The following FAF1 variants were observed in gnomAD, a reference collection of about 807,000 sequenced individuals.
FAF1 encodes FAS-associated factor 1.
In FAF1, 25 loss-of-function variants were observed where a neutral mutation model predicts 92.5. The observed-to-expected ratio is 0.27, with a 90% CI of 0.20 to 0.38. The LOEUF is 0.38. Among genes scored for constraint, FAF1 ranks in the 10% least tolerant of loss-of-function variants. The pLI, the probability that FAF1 is intolerant of heterozygous loss-of-function variation, is 1.00. For synonymous variants in FAF1, 234 were observed against 273.2 expected, an observed-to-expected ratio of 0.86 and a Z score of 1.42; for missense variants, 636 against 793.3, an observed-to-expected ratio of 0.80 and a Z score of 2.38.
intron 4 of FAF1, among the ~76,000 whole-genome samples, chr1:50,758,372 C>A (rs1449647197): frequency 6.6e-6 from 1 of 152,178 alleles, no homozygotes; most frequent in Non-Finnish European, 1.5e-5. Flanking sequence ...ATTTTTAACT[C>A]AACAAAGACT....
intron 2 of FAF1, among the ~76,000 whole-genome samples, chr1:50,804,476 T>G (rs1386767194): frequency 6.6e-6 from 1 of 152,044 alleles, no homozygotes; most frequent in African/African-American, 2.4e-5. Context: ...TGGGAAAGTG[T>G]TACAGAGGAG....
intron 2 of FAF1, among the ~76,000 whole-genome samples, chr1:50,836,247 T>A (rs1299063275): frequency 6.7e-6 from 1 of 149,342 alleles, no homozygotes; most frequent in African/African-American, 2.5e-5. Context: ...CATAGCTCAC[T>A]TTAACTTTGA....
chr1:50,712,217 C>G (rs986720050), intron 6 of FAF1, among the ~76,000 whole-genome samples: 26 of 152,322 alleles, frequency 1.7e-4, no homozygotes, highest in Admixed American at 1.4e-3. Context: ...TTCTGTAATA[C>G]TGATTTTCCT....
At chr1:50,568,321 C>G (rs1383935866) in intron 12 of FAF1, among the ~76,000 whole-genome samples, 2 of 151,932 alleles carry the variant, frequency 1.3e-5, no homozygotes, top group Non-Finnish European at 2.9e-5. Context: ...GTGATGACAG[C>G]AAATGAAAAT....
chr1:50,692,362 C>A (rs1196975071), intron 7 of FAF1, among the ~76,000 whole-genome samples: 1 of 148,148 alleles, frequency 6.8e-6, no homozygotes, highest in South Asian at 2.2e-4. Context: ...ATATAGTCAC[C>A]CTGCTGTACG....
At chr1:50,636,379 C>CTTTTTTTT (rs1213567555) in intron 8 of FAF1, among the ~76,000 whole-genome samples, 7 of 79,892 alleles carry the variant, frequency 8.8e-5, no homozygotes, top group African/African-American at 1.7e-4. Flanking sequence ...GGGGCGTGTC[C>CTTTTTTTT]TTTTTTTTTT....
chr1:50,457,088 G>A (rs934803489), intron 18 of FAF1, among the ~76,000 whole-genome samples: 2 of 151,374 alleles, frequency 1.3e-5, no homozygotes, highest in African/African-American at 4.9e-5. Flanking sequence ...AGTAAAGAAT[G>A]CATGCATGAG....
Position 50,441,449 on chromosome 1 carries a change from T to C in FAF1, c.1944A>G (p.Ala648=). 2 of 1,539,068 alleles carry C rather than the reference T, an allele frequency of 1.3e-6. No homozygotes were observed. Among genetic ancestry groups the C allele is most frequent in the South Asian group, 1.2e-5 (1 of 83,178 alleles). Residue 648 remains alanine (A), a synonymous_variant, in exon 19 of 19, where the codon GCA becomes GCG. Coordinates refer to ENST00000396153, the MANE Select transcript of FAF1 (RefSeq NM_007051.3). The part of the protein sequence containing the change: ...LFPQETLFLE[A]KE The stretch of plus-strand genomic sequence containing the variant: ...CACCGCTGGGCCGTGTTTACTCTTT[T>C]GCTTCAAGGAAAAGGGTTTCTTGAG...
chr1:50,844,316 C>T (rs1327684200), intron 2 of FAF1, among the ~76,000 whole-genome samples: 1 of 152,124 alleles, frequency 6.6e-6, no homozygotes, highest in Non-Finnish European at 1.5e-5. Flanking sequence ...TTCTCCCATT[C>T]TACAGGCTGT....
At chr1:50,452,016 C>T in intron 18 of FAF1, 1 of 1,262,794 alleles carries the variant, frequency 7.9e-7, no homozygotes, top group Non-Finnish European at 1.0e-6. Context: ...TATTAAATGA[C>T]AATATAAGTG....
intron 1 of FAF1, among the ~76,000 whole-genome samples, chr1:50,891,211 C>A (rs1198330034): frequency 6.6e-6 from 1 of 152,180 alleles, no homozygotes; most frequent in Non-Finnish European, 1.5e-5. Flanking sequence ...TCAGTTCCAT[C>A]ATGTCATTTA....
At position 50,490,596 on chromosome 1, in the gene FAF1, C is replaced by T. The variant is rs1646827493; in HGVS notation, c.1645G>A (p.Glu549Lys). The T allele has an allele frequency of 6.2e-7, 1 of 1,609,224 alleles. No individual in the cohort carries two copies. Residue 549 changes from glutamate (E) to lysine (K), a missense_variant, in exon 17 of 19, where the codon GAA (glutamate) becomes AAA (lysine). Physicochemically the swap from Glu to Lys is moderately conservative, Grantham distance 56 (BLOSUM62 1). Coordinates refer to ENST00000396153, the MANE Select transcript of FAF1 (RefSeq NM_007051.3). ...LEQIRKEQEE[E>K]REAIRLSLEQ... is the part of the protein sequence containing the mutation. ...TTAAAATTATGCCCCACCTCACGTTCCTCTTCTTGTTCTTTGCGAATCTGC... is the reference window on the plus strand; with the variant it reads ...TTAAAATTATGCCCCACCTCACGTTTCTCTTCTTGTTCTTTGCGAATCTGC...
chr1:50,614,476 A>G (rs1014054984), intron 8 of FAF1, among the ~76,000 whole-genome samples: 2 of 152,090 alleles, frequency 1.3e-5, no homozygotes, highest in African/African-American at 4.8e-5. Context: ...TTTTCTAGAG[A>G]CTGGGAATAA....
At chr1:50,904,762 G>C (rs1644822041) in intron 1 of FAF1, among the ~76,000 whole-genome samples, 1 of 151,950 alleles carries the variant, frequency 6.6e-6, no homozygotes, top group Non-Finnish European at 1.5e-5. Flanking sequence ...CGTATTTTGA[G>C]CAAAGATGAA....
chr1:50,892,600 C>T (rs1453785590), intron 1 of FAF1, among the ~76,000 whole-genome samples: 3 of 152,184 alleles, frequency 2.0e-5, no homozygotes, highest in Admixed American at 2.0e-4. Context: ...TTTCTCTTCT[C>T]TTACTGCTTT....
chr1:50,533,219 G>A (rs920282702), intron 15 of FAF1, among the ~76,000 whole-genome samples: 10 of 151,790 alleles, frequency 6.6e-5, no homozygotes, highest in African/African-American at 9.7e-5. Flanking sequence ...CTACAGGCAC[G>A]CAACACCACC....
chr1:50,472,364 A>AACAT (rs761276728), intron 18 of FAF1, among the ~76,000 whole-genome samples: 2 of 90,100 alleles, frequency 2.2e-5, no homozygotes, highest in East Asian at 6.4e-4. Flanking sequence ...AATTGGGGAA[A>AACAT]ACATACACAC....
intron 1 of FAF1, among the ~76,000 whole-genome samples, chr1:50,895,561 AAAAAAC>A (rs1170968877): frequency 4.6e-5 from 7 of 152,146 alleles, no homozygotes; most frequent in Non-Finnish European, 1.0e-4. Flanking sequence ...AAGACACATC[AAAAAAC>A]AAAAACAAAT....
intron 13 of FAF1, among the ~76,000 whole-genome samples, chr1:50,548,563 G>A (rs1446220842): frequency 1.3e-5 from 2 of 152,212 alleles, no homozygotes; most frequent in Non-Finnish European, 2.9e-5. Flanking sequence ...GACAGTCAGT[G>A]TGAATAATTA....
Sources: gnomAD v4.1 joint callset for allele counts (sites outside exome capture counted in the v4.1 genomes callset) on GRCh38, gnomAD v4.1.1 for gene constraint, MANE v1.5 for transcripts, NCBI Gene and HGNC (gene_info 2026-07-23, HGNC 2026-07-21) for gene names.